The following DNAJC7 variants were observed in gnomAD, a reference collection of about 807,000 sequenced individuals.
DNAJC7 encodes the protein dnaJ homolog subfamily C member 7.
Under a neutral mutation model 67.4 loss-of-function variants are expected in DNAJC7, and 18 were observed. The observed-to-expected ratio is 0.27, with a 90% CI of 0.18 to 0.40. DNAJC7 has a LOEUF of 0.40. Among genes scored for constraint, DNAJC7 ranks in the 10% least tolerant of loss-of-function variants. The probability of loss-of-function intolerance (pLI) is 1.00; values close to 1 mark genes in which losing one functional copy is unlikely to be tolerated. For missense variants in DNAJC7, 419 were observed against 613.8 expected, an observed-to-expected ratio of 0.68 and a Z score of 3.35; for synonymous variants, 220 against 207.8, an observed-to-expected ratio of 1.06 and a Z score of -0.50.
intron 4 of DNAJC7, 132 bp from the exon 5 acceptor site, chr17:41,995,076 G>T: frequency 1.3e-6 from 1 of 792,212 alleles, no homozygotes; most frequent in Non-Finnish European, 2.1e-6. Flanking sequence ...TAGAGATAGG[G>T]TCGAATGCAT....
At chr17:41,988,676 T>G in intron 8 of DNAJC7, 56 bp downstream of exon 8, 6 of 1,524,670 alleles carry the variant, frequency 3.9e-6, no homozygotes, top group Non-Finnish European at 5.2e-6. Context: ...CCCAAGACCC[T>G]TTGATGTCCC....
intron 1 of DNAJC7, among the ~76,000 whole-genome samples, chr17:42,010,050 G>A (rs1555650860): frequency 1.3e-5 from 2 of 152,192 alleles, no homozygotes; most frequent in Non-Finnish European, 1.5e-5. Flanking sequence ...GCTGAGGCAG[G>A]AGGATAGCTT....
chr17:42,000,147 C>T (rs1314066333), intron 2 of DNAJC7, among the ~76,000 whole-genome samples: 4 of 145,166 alleles, frequency 2.8e-5, no homozygotes, highest in African/African-American at 1.0e-4. Flanking sequence ...GAGATGAAGT[C>T]TTGCTTTGTT....
intron 9 of DNAJC7, among the ~76,000 whole-genome samples, chr17:41,986,321 G>C (rs1355502970): frequency 6.6e-6 from 1 of 151,976 alleles, no homozygotes; most frequent in East Asian, 1.9e-4. Flanking sequence ...AGCCAGTACG[G>C]TGCTACTGCA....
rs2064527238 is a variant in DNAJC7, at chr17:42,004,496, CAA to C, written c.78-3928_78-3927del. On this transcript the variant is annotated intron_variant, in intron 1 of 13. Transcript: ENST00000457167. Reference sequence around the variant, plus strand: ...GAATAGCTTCACAGCTCTGATTCACCAAGAGATGCTGGGAATGACTCCACCTC... The same window carrying C: ...GAATAGCTTCACAGCTCTGATTCACCGAGATGCTGGGAATGACTCCACCTC... Among the ~76,000 whole-genome samples the C allele has an allele frequency of 2.6e-5, 4 of 152,284 alleles. No individual in the cohort carries two copies. In the South Asian group the frequency reaches 8.3e-4, roughly 32 times the overall value.
At chr17:42,017,163 G>A (rs1391850213) in intron 1 of DNAJC7, 177 bp downstream of exon 1, 2 of 1,505,298 alleles carry the variant, frequency 1.3e-6, no homozygotes, top group African/African-American at 2.8e-5. Context: ...GGAGAGGAAG[G>A]CCGACCCCCA....
At chr17:41,989,622 T>G in intron 6 of DNAJC7, 65 bp from the exon 7 acceptor site, 2 of 1,577,426 alleles carry the variant, frequency 1.3e-6, no homozygotes, top group Non-Finnish European at 1.7e-6. Context: ...TACTACCATT[T>G]GTGGCCAGTT....
intron 1 of DNAJC7, chr17:42,016,882 C>T: frequency 2.1e-6 from 2 of 945,596 alleles, no homozygotes; most frequent in Non-Finnish European, 2.6e-6. Context: ...GACTAGTGAT[C>T]GCTGGGGTAT....
rs2051303154 is a variant in DNAJC7 at position 41,983,568 on chromosome 17, G to C, written c.1079C>G (p.Thr360Arg). 2 of 1,587,422 alleles carry C rather than the reference G, an allele frequency of 1.3e-6. No individual in the cohort carries two copies. Among genetic ancestry groups the C allele is most frequent in the African/African-American group, 1.3e-5 (1 of 74,630 alleles). Residue 360 changes from threonine (T) to arginine (R), a missense_variant, in exon 10 of 14, where the codon ACA (threonine) becomes AGA (arginine). By Grantham distance (71) the Thr-to-Arg change is moderately conservative. This residue lies in a region of DNAJC7 where 161 missense variants were observed against 252.2 expected (regional missense o/e 0.64). Transcript: ENST00000457167. ...DYEKVYQTEK[T>R]KEHKQLLKNA... ...ACAAATGCTTTTAAACTTACCTTTT[G>C]TTTTCTCTGTCTGGTATACTTTTTC...
intron 13 of DNAJC7, 132 bp downstream of exon 13, chr17:41,977,129 T>C (rs2143072380): frequency 2.2e-6 from 2 of 927,594 alleles, no homozygotes; most frequent in East Asian, 2.6e-5. Flanking sequence ...GCCGAGTGGA[T>C]AGATGCCCTG....
In DNAJC7 at chr17:42,011,274, A is replaced by T. The variant is rs189219042; in HGVS notation, c.77+6066T>A. 8.5e-5 allele frequency: 13 copies of T among 152,364 alleles called. 1 individual carries two copies. The highest frequency in any genetic ancestry group is 3.1e-4 in the African/African-American group (13 of 41,588). The allele number at this position is 152,364 out of a possible 1,614,324, so 9.4% of individuals were successfully genotyped here. A position where few individuals can be genotyped will look rare whatever the true frequency, so the allele number is the denominator to read the frequency against. The stretch of plus-strand genomic sequence containing the variant: ...CAAAACCATTAAAATACAAACTTCA[A>T]TGACTAAACTAATCCCTGATTGGCT... On this transcript the variant is annotated intron_variant, in intron 1 of 13. Transcript: ENST00000457167.
chr17:41,994,526 A>C (rs1169231682), intron 5 of DNAJC7, among the ~76,000 whole-genome samples: 1 of 150,912 alleles, frequency 6.6e-6, no homozygotes, highest in Non-Finnish European at 1.5e-5. Flanking sequence ...CCTCAAAAAA[A>C]AAAAAAAAAA....
rs117342079 is a variant in DNAJC7 at position 41,976,920 on chromosome 17, G to A, written c.1448-150C>T. ...ATCAAACAGCTCAGGCTGTTTTTGG[G>A]TGCAAGAGGGAGCACGTGACTGTAT... On this transcript the variant is annotated intron_variant, in intron 13 of 13. Coordinates refer to ENST00000457167, the MANE Select transcript of DNAJC7 (RefSeq NM_003315.4). 6.7e-3 allele frequency: 6,238 copies of A among 932,362 alleles called. 36 individuals are homozygous for A. The highest frequency in any genetic ancestry group is 0.014 in the Middle Eastern group (45 of 3,280). The allele number at this position is 932,362 out of a possible 1,614,324, so 57.8% of individuals were successfully genotyped here. A position where few individuals can be genotyped will look rare whatever the true frequency, so the allele number is the denominator to read the frequency against.
At chr17:42,001,297 G>C (rs1555649453) in intron 1 of DNAJC7, among the ~76,000 whole-genome samples, 1 of 152,050 alleles carries the variant, frequency 6.6e-6, no homozygotes, top group East Asian at 1.9e-4. Flanking sequence ...ACTCCCTCCA[G>C]TACCTTATAT....
chr17:41,979,699 A>G (rs2051196610), intron 12 of DNAJC7, among the ~76,000 whole-genome samples: 1 of 143,664 alleles, frequency 7.0e-6, no homozygotes, highest in South Asian at 2.2e-4. Flanking sequence ...GCGGTGGCTC[A>G]CGCCTGTAAT....
intron 12 of DNAJC7, chr17:41,977,627 T>TA (rs1457378916): frequency 1.9e-5 from 5 of 258,524 alleles, no homozygotes; most frequent in African/African-American, 1.1e-4. Flanking sequence ...CATTTGCACT[T>TA]ACACAAGACT....
At chr17:42,002,783 T>C (rs535100344) in intron 1 of DNAJC7, among the ~76,000 whole-genome samples, 2 of 152,310 alleles carry the variant, frequency 1.3e-5, no homozygotes, top group East Asian at 3.9e-4. Context: ...GAGTAAGACA[T>C]GGACAATATA....
chr17:41,989,309 C>T (rs1025070817), intron 7 of DNAJC7, 95 bp downstream of exon 7: 3 of 1,489,592 alleles, frequency 2.0e-6, no homozygotes, highest in African/African-American at 2.8e-5. Flanking sequence ...GAAAAGCTAT[C>T]ACATTCCTTG....
intron 1 of DNAJC7, among the ~76,000 whole-genome samples, chr17:42,006,083 A>C (rs920997486): frequency 1.3e-5 from 2 of 152,076 alleles, no homozygotes; most frequent in Non-Finnish European, 2.9e-5. Context: ...AGCTGGGACT[A>C]CAGGTGCCCA....
Sources: gnomAD v4.1 joint callset for allele counts (sites outside exome capture counted in the v4.1 genomes callset) on GRCh38, gnomAD v4.1.1 for gene constraint, gnomAD v4.1.1 regional missense constraint, MANE v1.5 for transcripts, NCBI Gene and HGNC (gene_info 2026-07-23, HGNC 2026-07-21) for gene names.